The following TENM2 variants were observed in gnomAD, a reference collection of about 807,000 sequenced individuals.
TENM2 encodes teneurin-2.
Under a neutral mutation model 245.2 loss-of-function variants are expected in TENM2, and 52 were observed. The ratio of observed to expected loss-of-function variants is 0.21; its 90% CI spans 0.17 to 0.27. The LOEUF is 0.27. TENM2 is among the 10% of genes least tolerant of loss of function. The pLI is 1.00. For missense variants in TENM2, 3,046 were observed against 3,666.8 expected (o/e 0.83, Z 4.37); for synonymous variants, 1,363 against 1,438.9 (o/e 0.95, Z 1.19).
intron 1 of TENM2, among the ~76,000 whole-genome samples, chr5:167,299,195 C>G (rs1755155297): frequency 6.6e-6 from 1 of 152,288 alleles, no homozygotes; most frequent in South Asian, 2.1e-4. Flanking sequence ...AAAGGTTTCA[C>G]CGAATACCAA....
intron 13 of TENM2, among the ~76,000 whole-genome samples, chr5:168,180,569 G>A (rs748831051): frequency 6.6e-6 from 1 of 152,192 alleles, no homozygotes; most frequent in Non-Finnish European, 1.5e-5. Flanking sequence ...GCTTTAGTGA[G>A]CAAAATAATC....
intron 4 of TENM2, among the ~76,000 whole-genome samples, chr5:167,987,345 T>C (rs79571033): frequency 6.6e-6 from 1 of 151,810 alleles, no homozygotes; most frequent in African/African-American, 2.4e-5. Flanking sequence ...TTTTTTTTTT[T>C]AGTTGGAGTT....
At chr5:168,023,648 A>G (rs1310112203) in intron 5 of TENM2, among the ~76,000 whole-genome samples, 1 of 151,960 alleles carries the variant, frequency 6.6e-6, no homozygotes, top group Non-Finnish European at 1.5e-5. Context: ...CGTCCCAAAC[A>G]CTCTGCCACA....
chr5:168,118,413 C>T lies in TENM2; in HGVS notation c.1935C>T (p.Cys645=), dbSNP rs755299086. ...TGAATCAGTGCATCGATCCTTCCTGCGGGGGCCACGGCTCCTGCATTGATG... is the reference window on the plus strand; with the variant it reads ...TGAATCAGTGCATCGATCCTTCCTGTGGGGGCCACGGCTCCTGCATTGATG... Residue 645 remains cysteine, a synonymous_variant, in exon 10 of 29, where the codon TGC becomes TGT. Transcript: ENST00000518659. 7.5e-6 allele frequency: 12 copies of T among 1,610,390 alleles called. No individual in the cohort carries two copies. The African/African-American group carries it at 9.3e-5, about 13-fold the overall frequency.
Position 167,857,711 on chromosome 5 carries a change from G to C in TENM2, c.503-18275G>C, listed in dbSNP as rs142929608. ...GTCATATGTGGGTTGGTTTTATTAGGGGGGAGGGGAGCAGAGTAATTATTT... is the reference window on the plus strand; with the variant it reads ...GTCATATGTGGGTTGGTTTTATTAGCGGGGAGGGGAGCAGAGTAATTATTT... On this transcript the variant is annotated intron_variant, in intron 2 of 28. Coordinates refer to ENST00000518659, the Ensembl canonical transcript of TENM2. Among the ~76,000 whole-genome samples, 87 of 152,300 alleles carry C rather than the reference G, an allele frequency of 5.7e-4. 1 individual carries two copies. The East Asian group carries it at 0.015, about 26-fold the overall frequency.
chr5:167,334,454 G>A (rs867083970), intron 1 of TENM2, among the ~76,000 whole-genome samples: 4 of 152,032 alleles, frequency 2.6e-5, no homozygotes, highest in Non-Finnish European at 4.4e-5. Flanking sequence ...AAGTAACATC[G>A]ACACTAGCTC....
intron 3 of TENM2, among the ~76,000 whole-genome samples, chr5:167,880,845 A>G (rs1239475508): frequency 6.6e-6 from 1 of 152,232 alleles, no homozygotes; most frequent in Non-Finnish European, 1.5e-5. Context: ...TGCATGCCCT[A>G]TAGGCAATAG....
intron 2 of TENM2, among the ~76,000 whole-genome samples, chr5:167,705,165 T>C (rs945934295): frequency 6.6e-6 from 1 of 152,170 alleles, no homozygotes; most frequent in African/African-American, 2.4e-5. Context: ...TTATGGTAAA[T>C]ATCTAAAGGG....
At chr5:167,319,634 A>C (rs1003546519) in intron 1 of TENM2, among the ~76,000 whole-genome samples, 10 of 152,196 alleles carry the variant, frequency 6.6e-5, no homozygotes, top group African/African-American at 2.4e-4. Flanking sequence ...TATTCCAATA[A>C]CATGCATCTA....
intron 10 of TENM2, among the ~76,000 whole-genome samples, chr5:168,121,710 A>G (rs1347645804): frequency 6.7e-6 from 1 of 149,290 alleles, no homozygotes; most frequent in East Asian, 1.9e-4. Context: ...TCTAAGAAAA[A>G]GATTGTGATT....
chr5:168,202,146 A>G (rs956716220), intron 17 of TENM2, among the ~76,000 whole-genome samples: 2 of 152,176 alleles, frequency 1.3e-5, no homozygotes, highest in African/African-American at 4.8e-5. Flanking sequence ...TGATAGTTTA[A>G]TTCTGTACTT....
chr5:167,960,227 G>A (rs1242179276), intron 4 of TENM2, among the ~76,000 whole-genome samples: 1 of 152,234 alleles, frequency 6.6e-6, no homozygotes, highest in Non-Finnish European at 1.5e-5. Context: ...GCACTGTGCT[G>A]GGAGATCCGC....
At chr5:167,194,957 A>G in the TENM2 span, among the ~76,000 whole-genome samples, 2 of 152,010 alleles carry the variant, frequency 1.3e-5, no homozygotes, top group African/African-American at 4.8e-5. Flanking sequence ...ACTCTTAACT[A>G]CTACGCTATA....
At chr5:167,864,912 C>T (rs1772170439) in intron 2 of TENM2, among the ~76,000 whole-genome samples, 1 of 152,202 alleles carries the variant, frequency 6.6e-6, no homozygotes, top group Non-Finnish European at 1.5e-5. Context: ...CCAGGAACCG[C>T]AAGAAGTGAA....
intron 3 of TENM2, among the ~76,000 whole-genome samples, chr5:167,936,124 G>A (rs191777377): frequency 6.6e-6 from 1 of 152,286 alleles, no homozygotes; most frequent in East Asian, 1.9e-4. Flanking sequence ...CTTGTATGCA[G>A]TCAGGAAGTA....
chr5:167,698,672 G>GTTT (rs1561683344), intron 2 of TENM2, among the ~76,000 whole-genome samples: 17 of 102,072 alleles, frequency 1.7e-4, no homozygotes, highest in African/African-American at 5.9e-4. Flanking sequence ...GTTTTGTTTT[G>GTTT]TTTTTTGTTT....
the TENM2 span, among the ~76,000 whole-genome samples, chr5:167,073,741 T>C: frequency 6.6e-6 from 1 of 152,230 alleles, no homozygotes; most frequent in African/African-American, 2.4e-5. Flanking sequence ...CTACATAGCA[T>C]CACATCCTAG....
chr5:168,039,929 C>T (rs908655753), intron 5 of TENM2, among the ~76,000 whole-genome samples: 4 of 152,066 alleles, frequency 2.6e-5, no homozygotes, highest in Non-Finnish European at 5.9e-5. Context: ...GGGAGCCCCA[C>T]GCATCCTGAA....
chr5:167,223,675 T>G, the TENM2 span, among the ~76,000 whole-genome samples: 1 of 152,240 alleles, frequency 6.6e-6, no homozygotes, highest in South Asian at 2.1e-4. Flanking sequence ...CCTTTTGATA[T>G]ATTGATTTAT....
Sources: gnomAD v4.1 joint callset for allele counts (sites outside exome capture counted in the v4.1 genomes callset) on GRCh38, gnomAD v4.1.1 for gene constraint, MANE v1.5 for transcripts, NCBI Gene and HGNC (gene_info 2026-07-23, HGNC 2026-07-21) for gene names.